The following ANKH variants were observed in gnomAD, a reference collection of about 807,000 sequenced individuals.
The protein encoded by ANKH is mineralization regulator ANKH.
In ANKH, 15 loss-of-function variants were observed where a neutral mutation model predicts 49.0. The ratio of observed to expected loss-of-function variants is 0.31; its 90% CI spans 0.20 to 0.47. The LOEUF is 0.47. Ranked by LOEUF, ANKH falls within the 20% of genes least tolerant of loss-of-function variation. ANKH has a pLI of 1.00. For missense variants in ANKH, 429 were observed against 652.0 expected (o/e 0.66, Z 3.72); for synonymous variants, 273 against 260.0 (o/e 1.05, Z -0.48).
At chr5:14,757,796 T>C (rs1332758001) in intron 3 of ANKH, among the ~76,000 whole-genome samples, 1 of 152,194 alleles carries the variant, frequency 6.6e-6, no homozygotes, top group Non-Finnish European at 1.5e-5. Flanking sequence ...CAAGATGGAC[T>C]GGTTAAAAGT....
At chr5:14,766,778 C>A (rs981652579) in intron 2 of ANKH, among the ~76,000 whole-genome samples, 2 of 152,202 alleles carry the variant, frequency 1.3e-5, no homozygotes, top group Non-Finnish European at 2.9e-5. Context: ...GTAGGCCCCA[C>A]CCAGGAGCTG....
intron 1 of ANKH, among the ~76,000 whole-genome samples, chr5:14,807,372 C>T (rs2126568212): frequency 1.3e-5 from 2 of 152,230 alleles, no homozygotes; most frequent in African/African-American, 4.8e-5. Context: ...GCCTTGGCCT[C>T]CCAAAGTGCT....
intron 1 of ANKH, among the ~76,000 whole-genome samples, chr5:14,834,555 C>T (rs2126602602): frequency 6.6e-6 from 1 of 152,124 alleles, no homozygotes; most frequent in East Asian, 1.9e-4. Context: ...CTGAGGTGGG[C>T]AGATCACATG....
rs76449275 is a variant in ANKH at position 14,741,118 on chromosome 5, T to C, written c.1011+709A>G. ...TTTTTGCCACTGTTGATAAACGCTC[T>C]AAAAAAACCTTAAATTATATACCAC... is the stretch of plus-strand genomic sequence containing the variant. On this transcript the variant is annotated intron_variant, in intron 8 of 11. Coordinates refer to ENST00000284268, the MANE Select transcript of ANKH (RefSeq NM_054027.6). 9.7e-3 allele frequency among the ~76,000 whole-genome samples: 1,471 copies of C among 152,350 alleles called. 55 individuals carry two copies. Among genetic ancestry groups the C allele is most frequent in the Admixed American group, 0.072 (1,094 of 15,300 alleles).
At position 14,737,668 on chromosome 5, in the gene ANKH, G is replaced by A. The variant is rs573244307; in HGVS notation, c.1011+4159C>T. 2.4e-4 allele frequency among the ~76,000 whole-genome samples: 37 copies of A among 152,338 alleles called. No homozygotes were observed. The South Asian group carries it at 7.1e-3, about 29-fold the overall frequency. ...TGGCTGCAACCCTGCACGCTTCCAC[G>A]TGAAAGCAGACCCTCTGAAGCTGTT... On this transcript the variant is annotated intron_variant, in intron 8 of 11. Coordinates refer to ENST00000284268, the MANE Select transcript of ANKH (RefSeq NM_054027.6). This position sits in a 1 kb window ranked among gnomAD's most constrained non-coding sequence, Gnocchi z 5.0.
chr5:14,713,281 G>T lies in ANKH; in HGVS notation c.1265+263C>A, dbSNP rs1737309963. On this transcript the variant is annotated intron_variant, in intron 10 of 11. Coordinates refer to ENST00000284268, the MANE Select transcript of ANKH (RefSeq NM_054027.6). This position sits in a 1 kb window ranked among gnomAD's most constrained non-coding sequence, Gnocchi z 4.4. ...CTTCTGGTTTTCATGTCCAGCATACGTTCAAGCCCGTGCAGGGCCGGCCAT... is the reference window on the plus strand; with the variant it reads ...CTTCTGGTTTTCATGTCCAGCATACTTTCAAGCCCGTGCAGGGCCGGCCAT... 6.6e-6 allele frequency among the ~76,000 whole-genome samples: 1 copy of T among 152,136 alleles called. No homozygotes were observed. The highest frequency in any genetic ancestry group is 2.4e-5 in the African/African-American group (1 of 41,410).
chr5:14,761,605 G>T (rs948136381), intron 2 of ANKH, among the ~76,000 whole-genome samples: 3 of 151,686 alleles, frequency 2.0e-5, no homozygotes, highest in Non-Finnish European at 4.4e-5. Context: ...AGTGAATAAT[G>T]ACCTTGAAGC....
chr5:14,827,142 C>T (rs1488648652), intron 1 of ANKH, among the ~76,000 whole-genome samples: 1 of 152,260 alleles, frequency 6.6e-6, no homozygotes, highest in East Asian at 1.9e-4. Flanking sequence ...TGGCAGTTCG[C>T]ACACTCCAGT....
At chr5:14,862,648 C>G (rs1735530663) in intron 1 of ANKH, among the ~76,000 whole-genome samples, 1 of 152,182 alleles carries the variant, frequency 6.6e-6, no homozygotes, top group South Asian at 2.1e-4. Flanking sequence ...ACTTACTGCT[C>G]TGCTGCAATT....
At position 14,857,598 on chromosome 5, in the gene ANKH, C is replaced by A. The variant is rs186262159; in HGVS notation, c.96+13754G>T. ...GCTTGAACCTGGGAGGCGGAGGTTG[C>A]AGTGAGTGGAGATCGCGCCACTGCA... On this transcript the variant is annotated intron_variant, in intron 1 of 11. Coordinates refer to ENST00000284268, the MANE Select transcript of ANKH (RefSeq NM_054027.6). Among the ~76,000 whole-genome samples, 935 of 152,102 alleles carry A rather than the reference C, an allele frequency of 6.1e-3. 13 individuals are homozygous for A. The highest frequency in any genetic ancestry group is 0.021 in the African/African-American group (882 of 41,476).
chr5:14,797,476 T>C (rs1400583424), intron 1 of ANKH: 1 of 1,611,174 alleles, frequency 6.2e-7, no homozygotes, highest in Non-Finnish European at 8.5e-7. Context: ...GAATGCAACT[T>C]AAGTTTCAGA....
chr5:14,856,964 G>A (rs1735285940), intron 1 of ANKH, among the ~76,000 whole-genome samples: 1 of 152,114 alleles, frequency 6.6e-6, no homozygotes, highest in African/African-American at 2.4e-5. Context: ...TATGTTCACA[G>A]GGAAGCAAAA....
At chr5:14,746,727 G>T (rs1738554740) in intron 6 of ANKH, among the ~76,000 whole-genome samples, 1 of 152,198 alleles carries the variant, frequency 6.6e-6, no homozygotes, top group South Asian at 2.1e-4. Context: ...CCCAAAGTCA[G>T]TTCAGCCTAC....
At chr5:14,744,285 T>A (rs1738456974) in intron 7 of ANKH, among the ~76,000 whole-genome samples, 1 of 141,974 alleles carries the variant, frequency 7.0e-6, no homozygotes, top group South Asian at 2.1e-4. Context: ...ATATTCCCAG[T>A]AGGTGGTGAG....
rs1736899685 is a variant in ANKH, at chr5:14,705,120, A to T, written c.*6077T>A. On this transcript the variant is annotated 3_prime_UTR_variant, in exon 12 of 12. Transcript: ENST00000284268. ...AGCGATCCTCCTGCCTCAGCCTCCC[A>T]AGTAGCTGGGACTACAGATGCACAC... 6.6e-6 allele frequency: 1 copy of T among 152,160 alleles called. No individual in the cohort carries two copies. The highest frequency in any genetic ancestry group is 1.5e-5 in the Non-Finnish European group (1 of 68,022). 9.4% of individuals were successfully genotyped at this position (152,160 alleles called of 1,614,324 possible). A position where few individuals can be genotyped will look rare whatever the true frequency, so the allele number is the denominator to read the frequency against.
intron 1 of ANKH, among the ~76,000 whole-genome samples, chr5:14,815,645 C>T (rs1275160128): frequency 1.3e-5 from 2 of 152,174 alleles, no homozygotes; most frequent in Non-Finnish European, 1.5e-5. Context: ...CTCGTTCGCC[C>T]CTACTAAGGA....
chr5:14,824,055 C>A (rs565989893), intron 1 of ANKH, among the ~76,000 whole-genome samples: 18 of 152,218 alleles, frequency 1.2e-4, no homozygotes, highest in African/African-American at 4.1e-4. Flanking sequence ...GTCTGCAGAG[C>A]CCTCAGATAG....
intron 1 of ANKH, among the ~76,000 whole-genome samples, chr5:14,856,490 G>A (rs4702059): frequency 0.092 from 13,923 of 151,848 alleles, 823 homozygotes; most frequent in Admixed American, 0.12. Context: ...GGGTGCAGAG[G>A]TCCTGACCAT....
rs1425394240 is a variant in ANKH, at chr5:14,749,163, A to G, written c.822+9T>C. 6 of 1,613,874 alleles carry G rather than the reference A, an allele frequency of 3.7e-6. No homozygotes were observed. The highest frequency in any genetic ancestry group is 5.1e-6 in the Non-Finnish European group (6 of 1,179,886). On this transcript the variant is annotated intron_variant, in intron 6 of 11. Transcript: ENST00000284268. ...ATCATAAGCCCCACATCCCCAAAGCATGGCCCACCTCTGTGGCTGCAGAAC... is the reference window on the plus strand; with the variant it reads ...ATCATAAGCCCCACATCCCCAAAGCGTGGCCCACCTCTGTGGCTGCAGAAC...
Sources: allele counts gnomAD v4.1 joint callset (sites outside exome capture counted in the v4.1 genomes callset), GRCh38; gene constraint gnomAD v4.1.1; non-coding constraint Gnocchi (gnomAD v3.1); transcripts MANE v1.5; gene names NCBI Gene and HGNC (gene_info 2026-07-23, HGNC 2026-07-21).